The following ZNF33B variants were observed in gnomAD, a reference collection of about 807,000 sequenced individuals.
The protein encoded by ZNF33B is zinc finger protein 33B, also known as zinc finger protein 11b (KOX 2).
A neutral mutation model predicts 45.8 loss-of-function variants in ZNF33B; 29 were observed. That is an observed-to-expected ratio of 0.63 (90% CI 0.47 to 0.86). The LOEUF (loss-of-function observed/expected upper bound fraction) is 0.86, where lower values mean the gene tolerates loss of function less well. Among genes scored for constraint, ZNF33B ranks in the 40% least tolerant of loss-of-function variants. The pLI is 0.00. For synonymous variants in ZNF33B, 305 were observed against 307.8 expected (o/e 0.99, Z 0.10); for missense variants, 831 against 909.9 (o/e 0.91, Z 1.12).
At chr10:42,634,396 C>CA (rs34495800) in intron 2 of ZNF33B, among the ~76,000 whole-genome samples, 42,219 of 150,204 alleles carry the variant, frequency 0.28, 7,152 homozygotes, top group Non-Finnish European at 0.39. Flanking sequence ...AACTCTGTCT[C>CA]AAAAAAAAAG....
chr10:42,584,492 T>C (rs562220602), downstream of ZNF33B, among the ~76,000 whole-genome samples: 2 of 151,006 alleles, frequency 1.3e-5, no homozygotes, highest in Non-Finnish European at 2.9e-5. Context: ...GCCTAGGGCA[T>C]GGCCAAGCAA....
rs1297138515 is a variant in ZNF33B, at chr10:42,590,434, G to A, written c.*2179C>T. ...GAGTCTCACTCTGTCACCCAGGCTG[G>A]AGTACAGTGGCACAATCTTGGCTCA... On this transcript the variant is annotated 3_prime_UTR_variant, in exon 5 of 5. Coordinates refer to ENST00000359467, the MANE Select transcript of ZNF33B (RefSeq NM_006955.3). 6.6e-6 allele frequency: 1 copy of A among 152,060 alleles called. No individual in the cohort carries two copies. Among genetic ancestry groups the A allele is most frequent in the Non-Finnish European group, 1.5e-5 (1 of 68,068 alleles). 9.4% of individuals were successfully genotyped at this position (152,060 alleles called of 1,614,324 possible).
At chr10:42,601,471 T>A (rs12772591) in intron 4 of ZNF33B, among the ~76,000 whole-genome samples, 2 of 130,144 alleles carry the variant, frequency 1.5e-5, no homozygotes, top group Non-Finnish European at 3.3e-5. Context: ...TGGGCTTGTT[T>A]TTTTTTTTTT....
At chr10:42,601,712 T>A (rs1837630855) in intron 4 of ZNF33B, among the ~76,000 whole-genome samples, 1 of 151,902 alleles carries the variant, frequency 6.6e-6, no homozygotes, top group African/African-American at 2.4e-5. Context: ...GATCTCGTGA[T>A]CCACCCACCT....
intron 4 of ZNF33B, chr10:42,614,422 A>C (rs1838228391): frequency 6.5e-6 from 1 of 152,796 alleles, no homozygotes; most frequent in Non-Finnish European, 1.5e-5. Flanking sequence ...ACAAAGAAGG[A>C]CATTAGGTAA....
At chr10:42,609,207 G>A (rs1400683886) in intron 4 of ZNF33B, among the ~76,000 whole-genome samples, 1 of 152,172 alleles carries the variant, frequency 6.6e-6, no homozygotes. Flanking sequence ...CTTGAACTCA[G>A]GAGTTTGAGA....
chr10:42,634,928 T>C (rs1315589187), intron 2 of ZNF33B, among the ~76,000 whole-genome samples: 1 of 152,184 alleles, frequency 6.6e-6, no homozygotes, highest in Non-Finnish European at 1.5e-5. Context: ...TAGGGATTGG[T>C]AAACTTTTTC....
At chr10:42,619,042 C>T (rs191494773) in intron 4 of ZNF33B, among the ~76,000 whole-genome samples, 1 of 151,368 alleles carries the variant, frequency 6.6e-6, no homozygotes, top group Non-Finnish European at 1.5e-5. Flanking sequence ...CTCGAATGGA[C>T]AACTGGTCCA....
At chr10:42,600,882 A>T (rs1216871625) in intron 4 of ZNF33B, among the ~76,000 whole-genome samples, 1 of 152,068 alleles carries the variant, frequency 6.6e-6, no homozygotes, top group Non-Finnish European at 1.5e-5. Flanking sequence ...AAAGAAAAAT[A>T]TCTTGTATAC....
intron 4 of ZNF33B, among the ~76,000 whole-genome samples, chr10:42,610,943 C>T (rs1465360355): frequency 1.3e-5 from 2 of 152,168 alleles, no homozygotes; most frequent in Non-Finnish European, 2.9e-5. Context: ...ATGATAGTGG[C>T]ATAGAGGTAA....
intron 4 of ZNF33B, among the ~76,000 whole-genome samples, chr10:42,619,490 A>G (rs1335236248): frequency 6.6e-6 from 1 of 152,248 alleles, no homozygotes; most frequent in Non-Finnish European, 1.5e-5. Context: ...AGGGAACACT[A>G]AAAGGTGTCT....
intron 4 of ZNF33B, among the ~76,000 whole-genome samples, chr10:42,616,918 T>C (rs1046789249): frequency 4.0e-5 from 6 of 151,118 alleles, no homozygotes; most frequent in Non-Finnish European, 8.9e-5. Context: ...ATGGTCTCCA[T>C]CTCCTGACCT....
chr10:42,636,794 C>T, intron 2 of ZNF33B, 126 bp downstream of exon 2: 1 of 1,386,966 alleles, frequency 7.2e-7, no homozygotes, highest in African/African-American at 1.4e-5. Context: ...AGACACTGCG[C>T]TCCAGCCTGG....
chr10:42,583,395 T>C (rs550122906), intron 1 of ZNF33B: 2 of 347,222 alleles, frequency 5.8e-6, no homozygotes, highest in East Asian at 1.4e-4. Context: ...TTTCTGTCTG[T>C]GGTGCACAAT....
At chr10:42,625,481 CTTT>C (rs201193506) in intron 4 of ZNF33B, among the ~76,000 whole-genome samples, 1 of 151,012 alleles carries the variant, frequency 6.6e-6, no homozygotes, top group Non-Finnish European at 1.5e-5. Flanking sequence ...GTTTTCTTTT[CTTT>C]TTTTTTGTTT....
chr10:42,614,012 C>T (rs536336272), intron 4 of ZNF33B, among the ~76,000 whole-genome samples: 1 of 152,188 alleles, frequency 6.6e-6, no homozygotes, highest in Non-Finnish European at 1.5e-5. Context: ...CCACTTCTTA[C>T]GTGTGAGTTG....
At chr10:42,599,577 T>A (rs867013750) in intron 4 of ZNF33B, among the ~76,000 whole-genome samples, 1 of 151,818 alleles carries the variant, frequency 6.6e-6, no homozygotes, top group African/African-American at 2.4e-5. Context: ...TTATATCCCA[T>A]ATATGACAAA....
At chr10:42,632,220 TAGAC>T in intron 3 of ZNF33B, 71 bp downstream of exon 3, 1 of 1,557,292 alleles carries the variant, frequency 6.4e-7, no homozygotes, top group South Asian at 1.2e-5. Flanking sequence ...GTCATTAAAC[TAGAC>T]AGACTGCCTA....
downstream of ZNF33B, among the ~76,000 whole-genome samples, chr10:42,587,388 G>A (rs1157205696): frequency 2.0e-5 from 3 of 151,942 alleles, no homozygotes; most frequent in African/African-American, 7.3e-5. Context: ...GTAGAGACGG[G>A]GTTTCACCAT....
Sources: allele counts gnomAD v4.1 joint callset (sites outside exome capture counted in the v4.1 genomes callset), GRCh38; gene constraint gnomAD v4.1.1; transcripts MANE v1.5; gene names NCBI Gene and HGNC (gene_info 2026-07-23, HGNC 2026-07-21).